SYNE1: variants seen among roughly 807,000 people sequenced by gnomAD.
The protein encoded by SYNE1 is nesprin-1.
Under a neutral mutation model 1,111.0 loss-of-function variants are expected in SYNE1, and 616 were observed. That is an observed-to-expected ratio of 0.55 (90% CI 0.52 to 0.59). The LOEUF is 0.59. Among genes scored for constraint, SYNE1 ranks in the 20% least tolerant of loss-of-function variants. The probability of loss-of-function intolerance (pLI) is 0.00; values close to 1 mark genes in which losing one functional copy is unlikely to be tolerated. For synonymous variants in SYNE1, 3,855 were observed against 3,825.8 expected (o/e 1.01, Z -0.28); for missense variants, 10,006 against 10,417.0 (o/e 0.96, Z 1.72).
At position 152,466,011 on chromosome 6, in the gene SYNE1, G is replaced by C. The variant is rs2098764433; in HGVS notation, c.1700C>G (p.Ala567Gly). Residue 567 changes from alanine to glycine, a missense_variant, in exon 17 of 146, where the codon GCT (alanine) becomes GGT (glycine). Ala to Gly is a moderately conservative substitution (Grantham distance 60). This residue lies in a region of SYNE1 where 1,971 missense variants were observed against 2,084.1 expected (regional missense o/e 0.95). Transcript: ENST00000367255. ...ACCATCTGCTTTGACATACATCTCA[G>C]CTGTCTGTTTCAAGATCTGGTATGT... is the stretch of plus-strand genomic sequence containing the variant. ...EVTYQILKQT[A>G]EMYVKADGSV... 1 of 1,612,656 alleles carries C rather than the reference G, an allele frequency of 6.2e-7. No homozygotes were observed. The highest frequency in any genetic ancestry group is 1.7e-5 in the Admixed American group (1 of 59,918).
At chr6:152,481,681 G>A (rs748125194) in intron 14 of SYNE1, 3 of 363,930 alleles carry the variant, frequency 8.2e-6, no homozygotes, top group Admixed American at 3.3e-5. Flanking sequence ...TATTGTTTGT[G>A]TAATACTATT....
intron 105 of SYNE1, among the ~76,000 whole-genome samples, chr6:152,245,045 G>A (rs529042530): frequency 6.6e-6 from 1 of 152,302 alleles, no homozygotes; most frequent in East Asian, 1.9e-4. Context: ...TGCTGTCCTT[G>A]AAACGTAGCT....
At chr6:152,344,314 C>T (rs964680166) in intron 73 of SYNE1, 87 bp from the exon 74 acceptor site, 1 of 1,553,384 alleles carries the variant, frequency 6.4e-7, no homozygotes, top group Middle Eastern at 1.7e-4. Flanking sequence ...ATGACCAGTA[C>T]ATCTAAATGG....
At chr6:152,632,349 T>C (rs2099699326) in intron 2 of SYNE1, among the ~76,000 whole-genome samples, 4 of 152,242 alleles carry the variant, frequency 2.6e-5, no homozygotes, top group Admixed American at 2.6e-4. Flanking sequence ...TTTCAGACAT[T>C]AAACATTTTG....
intron 6 of SYNE1, among the ~76,000 whole-genome samples, chr6:152,514,473 T>C (rs756507743): frequency 4.6e-5 from 7 of 152,084 alleles, no homozygotes; most frequent in African/African-American, 1.7e-4. Context: ...CACCAGTGCC[T>C]GTCACGGGGT....
intron 112 of SYNE1, among the ~76,000 whole-genome samples, chr6:152,233,323 C>G (rs558398812): frequency 1.3e-5 from 2 of 149,436 alleles, no homozygotes; most frequent in African/African-American, 2.5e-5. Flanking sequence ...GGCTTTGTAG[C>G]GTAGTTCACT....
intron 92 of SYNE1, 53 bp from the exon 93 acceptor site, chr6:152,300,834 C>T (rs2095130675): frequency 1.2e-6 from 2 of 1,613,700 alleles, no homozygotes; most frequent in East Asian, 2.2e-5. Flanking sequence ...GCTATGTTAA[C>T]ATAAGTCCTG....
chr6:152,559,674 T>C (rs1261290654), intron 3 of SYNE1, among the ~76,000 whole-genome samples: 7 of 152,008 alleles, frequency 4.6e-5, no homozygotes, highest in Non-Finnish European at 1.0e-4. Flanking sequence ...TGCCTACATT[T>C]TTAAAAAAAG....
intron 139 of SYNE1, among the ~76,000 whole-genome samples, chr6:152,140,881 A>C (rs1173231117): frequency 2.0e-5 from 3 of 151,934 alleles, no homozygotes; most frequent in South Asian, 4.2e-4. Flanking sequence ...AAAATACAAA[A>C]AAATTTAGCT....
At chr6:152,334,397 A>C in intron 76 of SYNE1, 124 bp from the exon 77 acceptor site, 2 of 1,072,004 alleles carry the variant, frequency 1.9e-6, no homozygotes, top group East Asian at 5.2e-5. Context: ...AAACTGAAGA[A>C]TGTATAATAA....
At chr6:152,409,799 A>C in intron 42 of SYNE1, 90 bp from the exon 43 acceptor site, 1 of 1,375,980 alleles carries the variant, frequency 7.3e-7, no homozygotes, top group Non-Finnish European at 1.0e-6. Flanking sequence ...TTCACTACGT[A>C]AAGGTATTAA....
rs1587790755 is a variant in SYNE1, at chr6:152,206,112, A to T, written c.23019+56T>A. Reference sequence around the variant, plus strand: ...TGATTTGTAGAATAACAATGGGAGGAAGTAGTACAACGACTAAAAGGGTTT... The same window carrying T: ...TGATTTGTAGAATAACAATGGGAGGTAGTAGTACAACGACTAAAAGGGTTT... On this transcript the variant is annotated intron_variant, in intron 126 of 145. Coordinates refer to ENST00000367255, the MANE Select transcript of SYNE1 (RefSeq NM_182961.4). 23 of 1,486,352 alleles carry T rather than the reference A, an allele frequency of 1.5e-5. 1 individual carries two copies. The East Asian group carries it at 5.0e-4, about 32-fold the overall frequency. The allele number at this position is 1,486,352 out of a possible 1,614,324, so 92.1% of individuals were successfully genotyped here.
chr6:152,463,281 C>T (rs2098745018), intron 19 of SYNE1, 72 bp downstream of exon 19: 3 of 1,603,516 alleles, frequency 1.9e-6, no homozygotes, highest in Non-Finnish European at 2.6e-6. Flanking sequence ...AAATAGCATT[C>T]TCTCTAAACA....
intron 111 of SYNE1, 63 bp from the exon 112 acceptor site, chr6:152,234,026 C>T (rs375139007): frequency 3.4e-5 from 53 of 1,555,860 alleles, no homozygotes; most frequent in South Asian, 1.7e-4. Flanking sequence ...AAAAGGAAAG[C>T]GACCAATTTA....
Position 152,334,355 on chromosome 6 carries a change from C to A in SYNE1, c.12529-82G>T, listed in dbSNP as rs996937092. 4.1e-6 allele frequency: 6 copies of A among 1,464,840 alleles called. 1 individual carries two copies. The South Asian group carries it at 7.1e-5, about 17-fold the overall frequency. 90.7% of individuals were successfully genotyped at this position (1,464,840 alleles called of 1,614,324 possible). A position where few individuals can be genotyped will look rare whatever the true frequency, so the allele number is the denominator to read the frequency against. ...ATAGAGAGCAACACAGACATAAGAC[C>A]TTTAAACACTCTAAGTTCCTTAATA... On this transcript the variant is annotated intron_variant, in intron 76 of 145. Coordinates refer to ENST00000367255, the MANE Select transcript of SYNE1 (RefSeq NM_182961.4).
At chr6:152,614,498 G>C (rs1166518196) in intron 3 of SYNE1, among the ~76,000 whole-genome samples, 1 of 152,166 alleles carries the variant, frequency 6.6e-6, no homozygotes, top group Non-Finnish European at 1.5e-5. Flanking sequence ...TGCTGGGGAG[G>C]ATATGGAGAA....
intron 59 of SYNE1, among the ~76,000 whole-genome samples, chr6:152,372,239 G>A (rs1294392580): frequency 6.6e-6 from 1 of 152,160 alleles, no homozygotes; most frequent in Non-Finnish European, 1.5e-5. Flanking sequence ...TTAAATGGAG[G>A]ATGCTGGCCA....
chr6:152,344,030 G>A, intron 74 of SYNE1, 51 bp downstream of exon 74: 1 of 1,612,198 alleles, frequency 6.2e-7, no homozygotes, highest in Non-Finnish European at 8.5e-7. Flanking sequence ...CATTTTCACT[G>A]ACGCTCTGAA....
At chr6:152,522,586 C>T (rs1485050393) in intron 5 of SYNE1, among the ~76,000 whole-genome samples, 1 of 152,090 alleles carries the variant, frequency 6.6e-6, no homozygotes, top group Admixed American at 6.6e-5. Flanking sequence ...AGTGGGATTG[C>T]TGTATCAAAT....
Sources: allele counts gnomAD v4.1 joint callset (sites outside exome capture counted in the v4.1 genomes callset), GRCh38; gene constraint gnomAD v4.1.1; regional missense constraint gnomAD v4.1.1; transcripts MANE v1.5; gene names NCBI Gene and HGNC (gene_info 2026-07-23, HGNC 2026-07-21).